The following PTBP2 variants were observed in gnomAD, a reference collection of about 807,000 sequenced individuals.
PTBP2 encodes the protein polypyrimidine tract binding protein 2.
A neutral mutation model predicts 61.4 loss-of-function variants in PTBP2; 13 were observed. The ratio of observed to expected loss-of-function variants is 0.21; its 90% confidence interval spans 0.14 to 0.34. PTBP2 has a LOEUF of 0.34. Among genes scored for constraint, PTBP2 ranks in the 10% least tolerant of loss-of-function variants. The pLI, the probability that PTBP2 is intolerant of heterozygous loss-of-function variation, is 1.00. For missense variants in PTBP2, 405 were observed against 642.6 expected (o/e 0.63, Z 4.00); for synonymous variants, 215 against 218.5 (o/e 0.98, Z 0.14).
chr1:96,726,391 G>C (rs1326045544), intron 2 of PTBP2, among the ~76,000 whole-genome samples: 1 of 148,964 alleles, frequency 6.7e-6, no homozygotes, highest in Non-Finnish European at 1.5e-5. Flanking sequence ...TCCTGCCTCA[G>C]CCTCCCTAGT....
chr1:96,734,922 T>C (rs1357000083), intron 2 of PTBP2, among the ~76,000 whole-genome samples: 31 of 135,354 alleles, frequency 2.3e-4, no homozygotes, highest in Non-Finnish European at 2.9e-4. Context: ...TTTTTTTTTT[T>C]CCTGCTTTTT....
At chr1:96,785,906 C>T (rs1045664382) in intron 8 of PTBP2, among the ~76,000 whole-genome samples, 2 of 151,840 alleles carry the variant, frequency 1.3e-5, no homozygotes, top group African/African-American at 2.4e-5. Context: ...TAGTTGATAG[C>T]GTGGAATCAA....
chr1:96,727,575 A>T (rs113682688), intron 2 of PTBP2, among the ~76,000 whole-genome samples: 33 of 152,224 alleles, frequency 2.2e-4, no homozygotes, highest in African/African-American at 7.9e-4. Flanking sequence ...TCTGTTTTTG[A>T]TTATAGATAT....
intron 3 of PTBP2, among the ~76,000 whole-genome samples, chr1:96,757,783 G>A (rs1439255770): frequency 6.6e-6 from 1 of 152,016 alleles, no homozygotes; most frequent in East Asian, 1.9e-4. Flanking sequence ...ATCTAGGAAA[G>A]TACTAAATAT....
chr1:96,746,076 A>C (rs910929738), intron 2 of PTBP2, among the ~76,000 whole-genome samples: 8 of 144,844 alleles, frequency 5.5e-5, no homozygotes, highest in South Asian at 2.2e-4. Context: ...AAAAACAAAC[A>C]AAAAAAAACA....
intron 7 of PTBP2, among the ~76,000 whole-genome samples, chr1:96,783,741 A>G (rs1298529356): frequency 1.3e-5 from 2 of 152,088 alleles, no homozygotes; most frequent in Admixed American, 1.3e-4. Flanking sequence ...ATGAATACCT[A>G]TCTTCAGTGC....
At chr1:96,822,166 A>G (rs1662703383) in exon 14 of PTBP2, 1 of 152,206 alleles carries the variant, frequency 6.6e-6, no homozygotes, top group Non-Finnish European at 1.5e-5. Context: ...GTAAAGAATT[A>G]TATGGGTTGA....
At chr1:96,760,148 A>G (rs1655636532) in intron 3 of PTBP2, among the ~76,000 whole-genome samples, 1 of 151,966 alleles carries the variant, frequency 6.6e-6, no homozygotes, top group South Asian at 2.1e-4. Context: ...ATCAATGACA[A>G]AGGACTTGTA....
At chr1:96,809,978 A>G (rs918198665) in intron 11 of PTBP2, among the ~76,000 whole-genome samples, 4 of 152,178 alleles carry the variant, frequency 2.6e-5, no homozygotes, top group African/African-American at 9.7e-5. Context: ...AAAATAGACA[A>G]ACATCTAAAG....
intron 7 of PTBP2, among the ~76,000 whole-genome samples, chr1:96,783,132 C>T (rs1017157192): frequency 1.3e-5 from 2 of 152,086 alleles, no homozygotes; most frequent in Non-Finnish European, 2.9e-5. Flanking sequence ...TTTGCAAATA[C>T]ATGAGCTTGA....
intron 2 of PTBP2, among the ~76,000 whole-genome samples, chr1:96,731,550 C>T (rs1651412274): frequency 6.6e-6 from 1 of 151,918 alleles, no homozygotes; most frequent in Non-Finnish European, 1.5e-5. Context: ...CATTTTTAGC[C>T]TCAGCTTCTT....
chr1:96,722,604 C>T (rs1306034327), intron 1 of PTBP2, among the ~76,000 whole-genome samples: 1 of 152,178 alleles, frequency 6.6e-6, no homozygotes, highest in Non-Finnish European at 1.5e-5. Flanking sequence ...ATTAAATCAT[C>T]TAAAAAACGA....
At chr1:96,746,662 C>G (rs1653803890) in intron 2 of PTBP2, among the ~76,000 whole-genome samples, 1 of 149,034 alleles carries the variant, frequency 6.7e-6, no homozygotes, top group African/African-American at 2.5e-5. Context: ...TATGATCGTT[C>G]CATTGCACTC....
chr1:96,751,230 G>A, intron 2 of PTBP2, 195 bp from the exon 3 acceptor site: 1 of 662,838 alleles, frequency 1.5e-6, no homozygotes, highest in South Asian at 1.6e-5. Context: ...AGAAGGGAAG[G>A]GAACACTGTT....
chr1:96,774,278 A>C (rs945214390), intron 5 of PTBP2, among the ~76,000 whole-genome samples: 1 of 151,208 alleles, frequency 6.6e-6, no homozygotes, highest in African/African-American at 2.4e-5. Flanking sequence ...TTTTTCACCC[A>C]CTCCCTCCTC....
intron 2 of PTBP2, among the ~76,000 whole-genome samples, chr1:96,729,512 T>A (rs1474036849): frequency 6.6e-6 from 1 of 152,290 alleles, no homozygotes; most frequent in South Asian, 2.1e-4. Context: ...TAAAATTTCT[T>A]CCTTAACTGA....
At chr1:96,746,936 T>G (rs1423558556) in intron 2 of PTBP2, among the ~76,000 whole-genome samples, 1 of 121,146 alleles carries the variant, frequency 8.3e-6, no homozygotes, top group Admixed American at 8.5e-5. Context: ...CCTTCCTTCC[T>G]TCCTTCCTAC....
intron 5 of PTBP2, among the ~76,000 whole-genome samples, chr1:96,772,177 C>T (rs1442332571): frequency 6.6e-6 from 1 of 152,136 alleles, no homozygotes; most frequent in Admixed American, 6.5e-5. Context: ...TTGGGGTTCC[C>T]ACAACCCCCT....
At chr1:96,785,343 C>A (rs1659098373) in intron 8 of PTBP2, 89 bp downstream of exon 8, 1 of 1,058,658 alleles carries the variant, frequency 9.4e-7, no homozygotes. Context: ...CATTTTGGAC[C>A]TTACCAAATT....
Sources: gnomAD v4.1 joint callset for allele counts (sites outside exome capture counted in the v4.1 genomes callset) on GRCh38, gnomAD v4.1.1 for gene constraint, MANE v1.5 for transcripts, NCBI Gene and HGNC (gene_info 2026-07-23, HGNC 2026-07-21) for gene names.